The following ATM variants were observed in gnomAD, a reference collection of about 807,000 sequenced individuals.
ATM encodes the protein ATM serine/threonine kinase.
In ATM, 308 loss-of-function variants were observed where a neutral mutation model predicts 387.0. The observed-to-expected ratio is 0.80, with a 90% CI of 0.73 to 0.87. The LOEUF is 0.87. Among genes scored for constraint, ATM ranks in the 40% least tolerant of loss-of-function variants. The pLI is 0.00. For missense variants in ATM, 3,312 were observed against 3,560.9 expected (o/e 0.93, Z 1.78); for synonymous variants, 1,156 against 1,187.3 (o/e 0.97, Z 0.54).
At chr11:108,355,272 A>C in intron 61 of ATM, 1 of 233,548 alleles carries the variant, frequency 4.3e-6, no homozygotes. Context: ...TGGAGATCAA[A>C]TTGTCAGCAT....
intron 26 of ATM, 75 bp from the exon 27 acceptor site, chr11:108,287,525 A>G: frequency 1.1e-6 from 1 of 896,606 alleles, no homozygotes; most frequent in Non-Finnish European, 1.8e-6. Flanking sequence ...AAATAAGGTA[A>G]TATATGCCTT....
At chr11:108,240,921 CTT>C (rs766041371) in intron 5 of ATM, among the ~76,000 whole-genome samples, 135 of 152,256 alleles carry the variant, frequency 8.9e-4, no homozygotes, top group Admixed American at 1.6e-3. Flanking sequence ...CTTTTTGACT[CTT>C]TTGTAATAAC....
chr11:108,360,104 TA>T (rs2090529630), intron 61 of ATM, among the ~76,000 whole-genome samples: 1 of 151,024 alleles, frequency 6.6e-6, no homozygotes, highest in Admixed American at 6.6e-5. Context: ...TAAAAAATGA[TA>T]AAGGGGATAT....
chr11:108,308,433 G>T lies in ATM; in HGVS notation c.5762+449G>T, dbSNP rs563937116. The T allele has an allele frequency of 8.4e-5, 17 of 202,108 alleles. No homozygotes were observed. The South Asian group carries it at 1.4e-3, about 17-fold the overall frequency. The allele number at this position is 202,108 out of a possible 1,614,324, so 12.5% of individuals were successfully genotyped here. The stretch of plus-strand genomic sequence containing the variant: ...ACTGTGTGCAGTGGTCTCAAAATCT[G>T]TGGCAATACTGTGCTGTGACAATGT... On this transcript the variant is annotated intron_variant, in intron 38 of 62. Transcript: ENST00000675843.
intron 33 of ATM, chr11:108,299,454 C>T (rs962580275): frequency 2.5e-5 from 9 of 364,172 alleles, no homozygotes; most frequent in East Asian, 6.6e-5. Flanking sequence ...TGCGCCACCA[C>T]GCCTGGCTAA....
rs540300937 is a variant in ATM, at chr11:108,265,920, A to G, written c.2467-1251A>G. Among the ~76,000 whole-genome samples, 237 of 147,034 alleles carry G rather than the reference A, an allele frequency of 1.6e-3. 1 individual carries two copies. Among genetic ancestry groups the G allele is most frequent in the Non-Finnish European group, 1.4e-3 (90 of 66,278 alleles). On this transcript the variant is annotated intron_variant, in intron 16 of 62. Coordinates refer to ENST00000675843, the MANE Select transcript of ATM (RefSeq NM_000051.4). ...ACTGGCCATCAGAGAAATGCAAATC[A>G]AAACCACAATGAGATACCATCTCAC...
chr11:108,357,722 G>A (rs1447210165), intron 61 of ATM, among the ~76,000 whole-genome samples: 1 of 152,146 alleles, frequency 6.6e-6, no homozygotes, highest in African/African-American at 2.4e-5. Context: ...CAACAGACCT[G>A]CAGCTGAGGG....
intron 33 of ATM, among the ~76,000 whole-genome samples, chr11:108,297,829 T>G (rs1415157794): frequency 6.6e-6 from 1 of 152,202 alleles, no homozygotes; most frequent in Non-Finnish European, 1.5e-5. Flanking sequence ...TTTTGTACTT[T>G]TCTTCCTTAA....
chr11:108,327,123 C>T (rs1314232665), intron 47 of ATM, among the ~76,000 whole-genome samples: 6 of 152,146 alleles, frequency 3.9e-5, no homozygotes, highest in African/African-American at 7.2e-5. Flanking sequence ...CCACCACGCC[C>T]GGCCTTTACT....
intron 4 of ATM, among the ~76,000 whole-genome samples, chr11:108,233,440 C>A (rs2079117790): frequency 6.6e-6 from 1 of 151,642 alleles, no homozygotes; most frequent in South Asian, 2.1e-4. Context: ...GTGGTGGTGA[C>A]CACCTGTAGT....
At chr11:108,359,391 A>AT (rs2090432449) in intron 61 of ATM, among the ~76,000 whole-genome samples, 2 of 152,166 alleles carry the variant, frequency 1.3e-5, no homozygotes, top group Non-Finnish European at 2.9e-5. Flanking sequence ...GATCAACGAG[A>AT]TAAAAAGTCA....
At position 108,347,383 on chromosome 11, in the gene ATM, T is replaced by C. The variant is rs763189977; in HGVS notation, c.8671+18T>C. 16 of 1,538,144 alleles carry C rather than the reference T, an allele frequency of 1.0e-5. No homozygotes were observed. In the Admixed American group the frequency reaches 2.2e-4, roughly 21 times the overall value. On this transcript the variant is annotated intron_variant, in intron 59 of 62. Transcript: ENST00000675843. The stretch of plus-strand genomic sequence containing the variant: ...AGATCTAGGTAAGTAATAAAATCTA[T>C]GTATCTATTCTTTTTAGTAAATATT...
At chr11:108,298,428 T>A (rs1377842557) in intron 33 of ATM, among the ~76,000 whole-genome samples, 1 of 152,232 alleles carries the variant, frequency 6.6e-6, no homozygotes, top group African/African-American at 2.4e-5. Flanking sequence ...CAGAGTACGC[T>A]TGTACATGTA....
Position 108,303,013 on chromosome 11 carries a change from T to G in ATM, c.5480T>G (p.Leu1827Ter). ...ACAAAATGTGAAATTCTTCAATTAT[T>G]AAAGCCAATGTGTGAAGTAAGAAGA... ...GGTKCEILQL[L>*]KPMCEVKTDF... Residue 1827 changes from leucine (L) to a stop codon, truncating the protein, a stop_gained, in exon 36 of 63, where the codon TTA becomes TGA. Coordinates refer to ENST00000675843, the MANE Select transcript of ATM (RefSeq NM_000051.4). LOFTEE classifies it high-confidence loss of function. 6.2e-7 allele frequency: 1 copy of G among 1,612,700 alleles called. No homozygotes were observed. The highest frequency in any genetic ancestry group is 8.5e-7 in the Non-Finnish European group (1 of 1,178,868).
rs2135266639 is a variant in ATM at position 108,247,035 on chromosome 11, C to T, written c.973C>T (p.His325Tyr). Residue 325 changes from histidine (H) to tyrosine (Y), a missense_variant, in exon 8 of 63, where the codon CAT (histidine) becomes TAT (tyrosine). This residue lies in a region of ATM where 1,791 missense variants were observed against 1,804.5 expected (regional missense o/e 0.99). Coordinates refer to ENST00000675843, the MANE Select transcript of ATM (RefSeq NM_000051.4). ...LYDLLVNEIS[H>Y]IGSRGKYSSG... ...TGATCTGCTAGTGAATGAGATAAGTCATATAGGAAGTAGAGGAAAGTATTC... is the reference window on the plus strand; with the variant it reads ...TGATCTGCTAGTGAATGAGATAAGTTATATAGGAAGTAGAGGAAAGTATTC... The T allele has an allele frequency of 6.2e-7, 1 of 1,613,260 alleles. No homozygotes were observed. Among genetic ancestry groups the T allele is most frequent in the Admixed American group, 1.7e-5 (1 of 60,000 alleles).
At chr11:108,224,523 T>C (rs562497649) in intron 1 of ATM, 15 of 152,350 alleles carry the variant, frequency 9.8e-5, no homozygotes, top group African/African-American at 3.6e-4. Context: ...GTGACACTCA[T>C]ACTCTAGTTG....
At chr11:108,265,820 G>A (rs367612240) in intron 16 of ATM, among the ~76,000 whole-genome samples, 21 of 116,128 alleles carry the variant, frequency 1.8e-4, no homozygotes, top group East Asian at 6.9e-4. Context: ...AAAAGTGGGC[G>A]AAGGACATGA....
intron 20 of ATM, among the ~76,000 whole-genome samples, chr11:108,272,024 C>T (rs1321620878): frequency 1.3e-5 from 2 of 152,156 alleles, no homozygotes; most frequent in Admixed American, 1.3e-4. Flanking sequence ...AGGCTCCCAC[C>T]ACAATGCCTG....
At chr11:108,304,934 C>T (rs1242475097) in intron 37 of ATM, 82 bp downstream of exon 37, 1 of 1,473,008 alleles carries the variant, frequency 6.8e-7, no homozygotes. Context: ...CCACTAAAAG[C>T]ACTTTACAGG....
Sources: allele counts gnomAD v4.1 joint callset (sites outside exome capture counted in the v4.1 genomes callset), GRCh38; gene constraint gnomAD v4.1.1; regional missense constraint gnomAD v4.1.1; transcripts MANE v1.5; gene names NCBI Gene and HGNC (gene_info 2026-07-23, HGNC 2026-07-21).